PARD3: variants seen among roughly 807,000 people sequenced by gnomAD.
PARD3 encodes par-3 family cell polarity regulator, also known as partitioning defective 3 homolog.
Under a neutral mutation model 155.4 loss-of-function variants are expected in PARD3, and 75 were observed. That is an observed-to-expected ratio of 0.48 (90% CI 0.40 to 0.58). The LOEUF (loss-of-function observed/expected upper bound fraction) is 0.58. Ranked by LOEUF, PARD3 falls within the 20% of genes least tolerant of loss-of-function variation. The pLI, the probability that PARD3 is intolerant of heterozygous loss-of-function variation, is 0.00. For synonymous variants in PARD3, 576 were observed against 610.5 expected (o/e 0.94, Z 0.83); for missense variants, 1,642 against 1,721.7 (o/e 0.95, Z 0.82).
intron 2 of PARD3, among the ~76,000 whole-genome samples, chr10:34,640,736 A>AAAAAAAAAAAAAAAAAAAAAG (rs2092651601): frequency 6.9e-6 from 1 of 144,068 alleles, no homozygotes; most frequent in African/African-American, 2.6e-5. Flanking sequence ...AAAAAAAAAA[A>AAAAAAAAAAAAAAAAAAAAAG]GCACTTTTAG....
Position 34,551,163 on chromosome 10 carries a change from A to C in PARD3, c.223-34004T>G, listed in dbSNP as rs776020809. 1.4e-4 allele frequency among the ~76,000 whole-genome samples: 22 copies of C among 152,192 alleles called. 1 individual carries two copies. Among genetic ancestry groups the C allele is most frequent in the Admixed American group, 9.8e-4 (15 of 15,284 alleles). ...GCTTGGCTATGCATAGTTGGATATG[A>C]AAGTTCAAAGTCACAAAATTTTGCA... On this transcript the variant is annotated intron_variant, in intron 2 of 24. Coordinates refer to ENST00000374788, the MANE Select transcript of PARD3 (RefSeq NM_001184785.2).
At chr10:34,792,823 A>T (rs1056791941) in intron 1 of PARD3, among the ~76,000 whole-genome samples, 1 of 152,356 alleles carries the variant, frequency 6.6e-6, no homozygotes, top group South Asian at 2.1e-4. Context: ...GTATCAGCTC[A>T]CTCGCTCTTA....
At chr10:34,272,285 T>A (rs2083562) in intron 21 of PARD3, among the ~76,000 whole-genome samples, 59,750 of 151,994 alleles carry the variant, frequency 0.39, 12,795 homozygotes, top group Middle Eastern at 0.53. Flanking sequence ...CCATTATCCA[T>A]AAAACTTTAA....
At chr10:34,134,438 T>C (rs925906221) in intron 22 of PARD3, among the ~76,000 whole-genome samples, 2 of 152,212 alleles carry the variant, frequency 1.3e-5, no homozygotes, top group African/African-American at 2.4e-5. Flanking sequence ...ATCATGAAGT[T>C]GAAACCATTG....
At chr10:34,804,833 TACC>T (rs1323303204) in intron 1 of PARD3, among the ~76,000 whole-genome samples, 2 of 152,194 alleles carry the variant, frequency 1.3e-5, no homozygotes, top group African/African-American at 2.4e-5. Context: ...GTCTCATATA[TACC>T]ACCAACACAA....
chr10:34,329,290 A>G (rs1835368649), intron 19 of PARD3, among the ~76,000 whole-genome samples: 1 of 152,200 alleles, frequency 6.6e-6, no homozygotes, highest in Non-Finnish European at 1.5e-5. Context: ...TTTTAAGGAA[A>G]ATTAAATAAC....
intron 2 of PARD3, among the ~76,000 whole-genome samples, chr10:34,544,852 A>G (rs2083917159): frequency 6.6e-6 from 1 of 152,190 alleles, no homozygotes; most frequent in Non-Finnish European, 1.5e-5. Flanking sequence ...TCTCATTTAC[A>G]CTGGAGCACC....
chr10:34,350,635 G>A (rs7477058), intron 14 of PARD3, among the ~76,000 whole-genome samples: 31,329 of 134,824 alleles, frequency 0.23, 2,598 homozygotes, highest in South Asian at 0.34. Context: ...CATCTTGGCG[G>A]GGGGGGAGGG....
At chr10:34,132,255 T>C (rs943637385) in intron 22 of PARD3, among the ~76,000 whole-genome samples, 2 of 152,334 alleles carry the variant, frequency 1.3e-5, no homozygotes, top group East Asian at 3.9e-4. Flanking sequence ...TGTATAGTAT[T>C]GAATTTTGTT....
At chr10:34,655,810 G>C (rs1216433468) in intron 2 of PARD3, among the ~76,000 whole-genome samples, 1 of 152,040 alleles carries the variant, frequency 6.6e-6, no homozygotes, top group African/African-American at 2.4e-5. Context: ...CAGGAAATTG[G>C]GCTTTTAAGA....
intron 1 of PARD3, among the ~76,000 whole-genome samples, chr10:34,753,959 C>T (rs529582501): frequency 1.3e-5 from 2 of 151,400 alleles, no homozygotes; most frequent in East Asian, 1.9e-4. Context: ...TTTATGATAA[C>T]GTAGAAAAAA....
At chr10:34,186,946 C>T (rs528530077) in intron 22 of PARD3, among the ~76,000 whole-genome samples, 113 of 152,272 alleles carry the variant, frequency 7.4e-4, no homozygotes, top group Non-Finnish European at 1.1e-3. Flanking sequence ...CTACTGAATT[C>T]GCTCCTCAAA....
chr10:34,757,679 A>T (rs981415287), intron 1 of PARD3, among the ~76,000 whole-genome samples: 9 of 151,972 alleles, frequency 5.9e-5, no homozygotes, highest in African/African-American at 2.2e-4. Context: ...CCACTGGGCG[A>T]AACCTGTCTC....
chr10:34,628,493 C>T (rs1420647422), intron 2 of PARD3, among the ~76,000 whole-genome samples: 1 of 152,246 alleles, frequency 6.6e-6, no homozygotes, highest in Non-Finnish European at 1.5e-5. Context: ...TCCCAAGAAT[C>T]GCCAATGCTC....
chr10:34,739,896 T>C (rs1420502870), intron 1 of PARD3, among the ~76,000 whole-genome samples: 1 of 152,094 alleles, frequency 6.6e-6, no homozygotes, highest in African/African-American at 2.4e-5. Flanking sequence ...ATTCCCTATC[T>C]CTGTCAAAGA....
chr10:34,317,462 A>C, intron 19 of PARD3, 124 bp from the exon 20 acceptor site: 13 of 898,024 alleles, frequency 1.4e-5, no homozygotes, highest in Non-Finnish European at 2.0e-5. Context: ...TGCTAGCAAC[A>C]TGGACTGCAA....
At position 34,375,053 on chromosome 10, in the gene PARD3, AACACACACAC is replaced by A. The variant is rs35263377; in HGVS notation, c.1540-61_1540-52del. On this transcript the variant is annotated intron_variant, in intron 10 of 24. Transcript: ENST00000374788. Reference sequence around the variant, plus strand: ...TGTAATCCTGTGGAAACAACAGGAAAACACACACACACACACACACACACACACACACACA... The same window carrying A: ...TGTAATCCTGTGGAAACAACAGGAAAACACACACACACACACACACACACA... 1.1e-3 allele frequency: 856 copies of A among 783,560 alleles called. 1 individual carries two copies. Among genetic ancestry groups the A allele is most frequent in the African/African-American group, 9.8e-3 (515 of 52,766 alleles). 48.5% of individuals were successfully genotyped at this position (783,560 alleles called of 1,614,324 possible).
At chr10:34,808,148 T>C (rs1843635833) in intron 1 of PARD3, among the ~76,000 whole-genome samples, 1 of 150,460 alleles carries the variant, frequency 6.6e-6, no homozygotes, top group African/African-American at 2.5e-5. Flanking sequence ...ATGCCGTCTC[T>C]ACAAAAACTA....
At chr10:34,542,744 G>A (rs1401583816) in intron 2 of PARD3, among the ~76,000 whole-genome samples, 1 of 152,022 alleles carries the variant, frequency 6.6e-6, no homozygotes, top group African/African-American at 2.4e-5. Flanking sequence ...TCATTGCAGA[G>A]AACTGTAAAA....
Sources: allele counts gnomAD v4.1 joint callset (sites outside exome capture counted in the v4.1 genomes callset), GRCh38; gene constraint gnomAD v4.1.1; transcripts MANE v1.5; gene names NCBI Gene and HGNC (gene_info 2026-07-23, HGNC 2026-07-21).